The following ELN variants were observed in gnomAD, a reference collection of about 807,000 sequenced individuals.
The protein encoded by ELN is elastin.
Under a neutral mutation model 105.8 loss-of-function variants are expected in ELN, and 65 were observed. That is an observed-to-expected ratio of 0.61 (90% confidence interval 0.50 to 0.75). ELN has a LOEUF of 0.75. Among genes scored for constraint, ELN ranks in the 30% least tolerant of loss-of-function variants. The pLI is 0.00. For synonymous variants in ELN, 368 were observed against 389.2 expected (o/e 0.95, Z 0.64); for missense variants, 882 against 969.4 (o/e 0.91, Z 1.20).
chr7:74,069,636 C>A lies in ELN; in HGVS notation c.*936C>A, dbSNP rs782364484. The A allele has an allele frequency of 8.1e-5, 19 of 233,372 alleles. No homozygotes were observed. Among genetic ancestry groups the A allele is most frequent in the Admixed American group, 3.4e-4 (6 of 17,774 alleles). 14.5% of individuals were successfully genotyped at this position (233,372 alleles called of 1,614,324 possible). A position where few individuals can be genotyped will look rare whatever the true frequency, so the allele number is the denominator to read the frequency against. ...TCCTGCCCCGCCCATCTTTTTGTGT[C>A]TCGCTGTGATAGATCAATAAATATT... On this transcript the variant is annotated 3_prime_UTR_variant, in exon 33 of 33. Transcript: ENST00000252034.
In ELN at chr7:74,047,842, G is replaced by C. The variant is rs917434895; in HGVS notation, c.685+126G>C. 23 of 1,379,012 alleles carry C rather than the reference G, an allele frequency of 1.7e-5. No individual in the cohort carries two copies. In the African/African-American group the frequency reaches 2.6e-4, roughly 15 times the overall value. The allele number at this position is 1,379,012 out of a possible 1,614,324, so 85.4% of individuals were successfully genotyped here. ...GCTGGGGCAGGGTTGGGGTCTTGGA[G>C]TGGGAATCTCAGAAGGAAAGGGCAT... On this transcript the variant is annotated intron_variant, in intron 13 of 32. Coordinates refer to ENST00000252034, the MANE Select transcript of ELN (RefSeq NM_000501.4).
At chr7:74,045,387 C>A in intron 10 of ELN, 94 bp downstream of exon 10, 5 of 1,426,870 alleles carry the variant, frequency 3.5e-6, no homozygotes, top group African/African-American at 1.4e-5. Context: ...TGGACTGGCT[C>A]AGGGCCCTCT....
chr7:74,057,748 T>C (rs1554681262), intron 22 of ELN, 52 bp downstream of exon 22: 1 of 1,592,988 alleles, frequency 6.3e-7, no homozygotes, highest in Non-Finnish European at 8.6e-7. Flanking sequence ...CTTTCTCCTG[T>C]GCCCTGCTCT....
chr7:74,038,979 G>T (rs905519932), intron 4 of ELN, among the ~76,000 whole-genome samples: 4 of 152,166 alleles, frequency 2.6e-5, no homozygotes, highest in African/African-American at 9.7e-5. Flanking sequence ...AGCAGGTGAG[G>T]GTTCTTAGCA....
chr7:74,049,853 C>T (rs1445594198), intron 15 of ELN, among the ~76,000 whole-genome samples: 1 of 151,218 alleles, frequency 6.6e-6, no homozygotes, highest in Admixed American at 6.6e-5. Flanking sequence ...TTCATCCATC[C>T]ACTCATCCAT....
intron 21 of ELN, chr7:74,057,419 A>G (rs1795504991): frequency 1.3e-6 from 2 of 1,515,414 alleles, no homozygotes; most frequent in Non-Finnish European, 8.8e-7. Flanking sequence ...GGCTAGTGCC[A>G]GGTGCCCCAG....
chr7:74,060,990 A>G, intron 25 of ELN, 111 bp from the exon 26 acceptor site: 1 of 1,302,762 alleles, frequency 7.7e-7, no homozygotes, highest in Non-Finnish European at 1.1e-6. Context: ...CAGGGCTTTG[A>G]GGAAGCAATA....
intron 10 of ELN, 90 bp downstream of exon 10, chr7:74,045,383 G>A: frequency 6.9e-7 from 1 of 1,450,898 alleles, no homozygotes; most frequent in Non-Finnish European, 9.5e-7. Flanking sequence ...ATCCTGGACT[G>A]GCTCAGGGCC....
chr7:74,045,908 A>G (rs1222898791), intron 10 of ELN: 1 of 485,800 alleles, frequency 2.1e-6, no homozygotes, highest in Admixed American at 3.3e-5. Context: ...GGTGGCCTGC[A>G]CCTGTAATCC....
chr7:74,035,543 A>G, intron 2 of ELN, 129 bp downstream of exon 2: 1 of 1,115,172 alleles, frequency 9.0e-7, no homozygotes, highest in South Asian at 1.3e-5. Flanking sequence ...CCCACTTAAA[A>G]ATGCAATTAA....
intron 5 of ELN, among the ~76,000 whole-genome samples, chr7:74,041,541 A>G (rs1791217691): frequency 6.6e-6 from 1 of 152,212 alleles, no homozygotes; most frequent in Non-Finnish European, 1.5e-5. Context: ...GGGTTCAGGA[A>G]GGCATTCTAG....
chr7:74,035,787 A>T (rs1344951043), intron 2 of ELN: 5 of 344,986 alleles, frequency 1.4e-5, no homozygotes, highest in African/African-American at 6.4e-5. Flanking sequence ...AATTAAAAAA[A>T]AATTAGCTGG....
chr7:74,057,331 C>A (rs1467843251), intron 21 of ELN: 2 of 1,421,652 alleles, frequency 1.4e-6, no homozygotes, highest in East Asian at 2.5e-5. Context: ...CTTGCTCCCC[C>A]AAAAAGTGAG....
At chr7:74,028,703 A>C (rs1011720980) in intron 1 of ELN, among the ~76,000 whole-genome samples, 1 of 152,142 alleles carries the variant, frequency 6.6e-6, no homozygotes. Flanking sequence ...TACCAGCTCA[A>C]CCGCAGTGAG....
intron 25 of ELN, 21 bp downstream of exon 25, chr7:74,060,522 C>A (rs782679593): frequency 1.2e-6 from 2 of 1,614,194 alleles, no homozygotes; most frequent in Non-Finnish European, 1.7e-6. Context: ...GGGAGTTAGG[C>A]GGAGCCTGTC....
intron 11 of ELN, 109 bp downstream of exon 11, chr7:74,046,326 C>A (rs576025161): frequency 6.7e-7 from 1 of 1,493,708 alleles, no homozygotes; most frequent in Non-Finnish European, 9.3e-7. Flanking sequence ...ATTTCTCCCA[C>A]GCCTGCAGAG....
At chr7:74,044,407 C>T (rs187940974) in intron 9 of ELN, among the ~76,000 whole-genome samples, 5 of 152,238 alleles carry the variant, frequency 3.3e-5, no homozygotes, top group East Asian at 1.9e-4. Flanking sequence ...CCTGGCAGTC[C>T]GTCCATCCCC....
intron 31 of ELN, 62 bp from the exon 32 acceptor site, chr7:74,066,670 G>A: frequency 6.4e-7 from 1 of 1,569,034 alleles, no homozygotes; most frequent in South Asian, 1.1e-5. Context: ...CAGGCAGAAA[G>A]TGATGAGGCT....
At chr7:74,041,957 C>G (rs561068440) in intron 5 of ELN, among the ~76,000 whole-genome samples, 24 of 150,476 alleles carry the variant, frequency 1.6e-4, no homozygotes, top group Non-Finnish European at 3.1e-4. Flanking sequence ...CCAGGCTGGT[C>G]TCGAACTCCT....
Sources: gnomAD v4.1 joint callset for allele counts (sites outside exome capture counted in the v4.1 genomes callset) on GRCh38, gnomAD v4.1.1 for gene constraint, MANE v1.5 for transcripts, NCBI Gene and HGNC (gene_info 2026-07-23, HGNC 2026-07-21) for gene names.